Variants in XKR9 observed in about 807,000 individuals in gnomAD.
The protein encoded by XKR9 is XK-related protein 9.
A neutral mutation model predicts 32.0 loss-of-function variants in XKR9; 32 were observed. The observed-to-expected ratio is 1.00, with a 90% CI of 0.76 to 1.34. The LOEUF (loss-of-function observed/expected upper bound fraction) is 1.34. XKR9 is among the 40% of genes most tolerant of loss of function. The probability of loss-of-function intolerance (pLI) is 0.00; values close to 1 mark genes in which losing one functional copy is unlikely to be tolerated. For missense variants in XKR9, 546 were observed against 429.7 expected (o/e 1.27, Z -2.39); for synonymous variants, 168 against 143.4 (o/e 1.17, Z -1.22).
the XKR9 span, among the ~76,000 whole-genome samples, chr8:70,892,697 G>C: frequency 2.6e-5 from 4 of 152,160 alleles, no homozygotes; most frequent in African/African-American, 9.6e-5. Flanking sequence ...CTGTGGAGAA[G>C]TCTGCTGTAT....
At chr8:71,049,164 A>C in the XKR9 span, among the ~76,000 whole-genome samples, 1 of 152,170 alleles carries the variant, frequency 6.6e-6, no homozygotes, top group Non-Finnish European at 1.5e-5. Flanking sequence ...AAAGATCTTC[A>C]TTTCCTGGGG....
the XKR9 span, among the ~76,000 whole-genome samples, chr8:71,028,246 G>A: frequency 1.3e-5 from 2 of 152,110 alleles, no homozygotes; most frequent in Non-Finnish European, 1.5e-5. Context: ...TTTAATCAGT[G>A]ATTTATAGTT....
At chr8:70,745,058 T>C (rs1807039148) in intron 2 of XKR9, among the ~76,000 whole-genome samples, 1 of 150,102 alleles carries the variant, frequency 6.7e-6, no homozygotes, top group Admixed American at 6.6e-5. Context: ...GGAAATAATA[T>C]ATTATACATC....
intron 2 of XKR9, among the ~76,000 whole-genome samples, chr8:70,755,947 A>G (rs1439758548): frequency 6.6e-6 from 1 of 152,188 alleles, no homozygotes; most frequent in Non-Finnish European, 1.5e-5. Flanking sequence ...TTTCATATTC[A>G]AAAAGGTCAT....
At chr8:70,810,005 G>T in the XKR9 span, among the ~76,000 whole-genome samples, 3 of 152,128 alleles carry the variant, frequency 2.0e-5, no homozygotes, top group Admixed American at 2.0e-4. Flanking sequence ...CACCAAAGTT[G>T]AAATGAAGGA....
At chr8:70,748,186 T>G (rs1479099374) in intron 2 of XKR9, among the ~76,000 whole-genome samples, 2 of 152,194 alleles carry the variant, frequency 1.3e-5, no homozygotes, top group Admixed American at 1.3e-4. Context: ...GAGGTGTGGC[T>G]GGGGCTGCCC....
chr8:70,740,570 T>G (rs112574767), downstream of XKR9, among the ~76,000 whole-genome samples: 3,734 of 123,092 alleles, frequency 0.03, 172 homozygotes, highest in African/African-American at 0.093. Context: ...GTTTTTCTGC[T>G]CTGTTTTTTT....
the XKR9 span, among the ~76,000 whole-genome samples, chr8:70,875,662 A>G: frequency 6.6e-6 from 1 of 152,166 alleles, no homozygotes; most frequent in Non-Finnish European, 1.5e-5. Flanking sequence ...AAAGTTTTAT[A>G]TATCTTTCAA....
chr8:70,757,126 C>T (rs1176163160), intron 2 of XKR9, among the ~76,000 whole-genome samples: 1 of 151,862 alleles, frequency 6.6e-6, no homozygotes, highest in Non-Finnish European at 1.5e-5. Flanking sequence ...TTTTAGCTTA[C>T]TTATATGACC....
the XKR9 span, among the ~76,000 whole-genome samples, chr8:70,914,717 T>C: frequency 2.0e-5 from 3 of 152,222 alleles, no homozygotes; most frequent in Non-Finnish European, 2.9e-5. Context: ...AAGAAGTCCT[T>C]AATTTTAATT....
chr8:70,794,138 A>T (rs1243430622), downstream of XKR9, among the ~76,000 whole-genome samples: 1 of 152,070 alleles, frequency 6.6e-6, no homozygotes, highest in Non-Finnish European at 1.5e-5. Context: ...TTGTCTCCTT[A>T]AATTCACTTT....
chr8:70,757,185 A>G (rs1021279577), intron 2 of XKR9, among the ~76,000 whole-genome samples: 2 of 151,848 alleles, frequency 1.3e-5, no homozygotes, highest in Middle Eastern at 3.2e-3. Flanking sequence ...TCTTGGTGAA[A>G]TCTCATTTGG....
chr8:70,853,901 C>T, the XKR9 span, among the ~76,000 whole-genome samples: 1 of 152,162 alleles, frequency 6.6e-6, no homozygotes, highest in African/African-American at 2.4e-5. Flanking sequence ...TGTATATGTG[C>T]CACATTTTCT....
At chr8:70,973,473 C>A in the XKR9 span, among the ~76,000 whole-genome samples, 2 of 151,890 alleles carry the variant, frequency 1.3e-5, no homozygotes, top group African/African-American at 2.4e-5. Flanking sequence ...CTACTGTGAT[C>A]TTTGTTATTT....
At chr8:70,764,730 A>G (rs1432720542) in intron 2 of XKR9, among the ~76,000 whole-genome samples, 2 of 151,942 alleles carry the variant, frequency 1.3e-5, no homozygotes, top group Admixed American at 6.6e-5. Flanking sequence ...TCCTAATGCT[A>G]TCCCTCCCCT....
At chr8:70,915,225 A>G in the XKR9 span, among the ~76,000 whole-genome samples, 1 of 152,144 alleles carries the variant, frequency 6.6e-6, no homozygotes, top group Non-Finnish European at 1.5e-5. Flanking sequence ...GTGATGCTAT[A>G]CATAGGGGCA....
intron 4 of XKR9, among the ~76,000 whole-genome samples, chr8:70,712,506 C>T (rs1414116881): frequency 2.6e-5 from 4 of 152,004 alleles, no homozygotes; most frequent in African/African-American, 9.7e-5. Context: ...ACCTCTCTCC[C>T]CTAGTAAATT....
At chr8:70,889,369 T>A in the XKR9 span, among the ~76,000 whole-genome samples, 9 of 151,844 alleles carry the variant, frequency 5.9e-5, no homozygotes, top group Non-Finnish European at 1.3e-4. Context: ...TCCTTCATTT[T>A]TTCCTCTTTA....
At chr8:70,856,251 C>T in the XKR9 span, among the ~76,000 whole-genome samples, 1 of 152,104 alleles carries the variant, frequency 6.6e-6, no homozygotes, top group Non-Finnish European at 1.5e-5. Flanking sequence ...TGCAGAGACA[C>T]ACATAGGCTC....
Sources: gnomAD v4.1 joint callset for allele counts (sites outside exome capture counted in the v4.1 genomes callset) on GRCh38, gnomAD v4.1.1 for gene constraint, MANE v1.5 for transcripts, NCBI Gene and HGNC (gene_info 2026-07-23, HGNC 2026-07-21) for gene names.